Variants in TRAF3IP2 observed in about 807,000 individuals in gnomAD.
The protein encoded by TRAF3IP2 is TRAF3 interacting protein 2.
In TRAF3IP2, 35 loss-of-function variants were observed where a neutral mutation model predicts 57.9. The observed-to-expected ratio is 0.60, with a 90% CI of 0.46 to 0.80. The LOEUF (loss-of-function observed/expected upper bound fraction) is 0.80, where lower values mean the gene tolerates loss of function less well. TRAF3IP2 is among the 30% of genes least tolerant of loss of function. The pLI is 0.00. For synonymous variants in TRAF3IP2, 251 were observed against 268.9 expected (o/e 0.93, Z 0.65); for missense variants, 556 against 706.4 (o/e 0.79, Z 2.41).
At chr6:111,569,395 C>T (rs551332269) in intron 5 of TRAF3IP2, among the ~76,000 whole-genome samples, 1 of 152,204 alleles carries the variant, frequency 6.6e-6, no homozygotes, top group Non-Finnish European at 1.5e-5. Context: ...GTTGTGAGAA[C>T]TAAAATGAGT....
At chr6:111,563,574 G>A (rs905743229) in intron 7 of TRAF3IP2, among the ~76,000 whole-genome samples, 8 of 152,202 alleles carry the variant, frequency 5.3e-5, no homozygotes, top group African/African-American at 1.9e-4. Flanking sequence ...TAGAAGCCCA[G>A]AATGGGGGCC....
At chr6:111,580,793 A>C (rs534918962) in intron 2 of TRAF3IP2, among the ~76,000 whole-genome samples, 7 of 152,338 alleles carry the variant, frequency 4.6e-5, no homozygotes, top group South Asian at 4.1e-4. Flanking sequence ...TGTATGATAG[A>C]TATAGAATCA....
intron 8 of TRAF3IP2, among the ~76,000 whole-genome samples, chr6:111,559,938 T>C (rs894563682): frequency 1.3e-5 from 2 of 152,184 alleles, no homozygotes; most frequent in South Asian, 2.1e-4. Context: ...AATTCATTAC[T>C]CTTTCACTCC....
At chr6:111,575,307 G>C (rs1795945364) in intron 4 of TRAF3IP2, among the ~76,000 whole-genome samples, 1 of 152,058 alleles carries the variant, frequency 6.6e-6, no homozygotes. Flanking sequence ...AAGAAGGAGT[G>C]GCCGGGTGCG....
At chr6:111,562,848 A>G (rs1795497245) in intron 8 of TRAF3IP2, 117 bp downstream of exon 8, 1 of 842,548 alleles carries the variant, frequency 1.2e-6, no homozygotes, top group Admixed American at 2.8e-5. Context: ...CCATCTCAAA[A>G]AAAAAAAAAA....
At chr6:111,588,101 T>A (rs1489662964) in intron 2 of TRAF3IP2, among the ~76,000 whole-genome samples, 1 of 152,230 alleles carries the variant, frequency 6.6e-6, no homozygotes, top group Non-Finnish European at 1.5e-5. Context: ...ACACTGGATG[T>A]TGTCCAAAGT....
chr6:111,602,806 GC>G (rs1235613370), intron 1 of TRAF3IP2, among the ~76,000 whole-genome samples: 2 of 152,116 alleles, frequency 1.3e-5, no homozygotes, highest in African/African-American at 4.8e-5. Flanking sequence ...AAACAATGAG[GC>G]AGCGGAGAGC....
Position 111,591,635 on chromosome 6 carries a change from T to G in TRAF3IP2, c.452A>C (p.Asp151Ala). The G allele has an allele frequency of 6.2e-7, 1 of 1,614,208 alleles. No individual in the cohort carries two copies. The highest frequency in any genetic ancestry group is 8.5e-7 in the Non-Finnish European group (1 of 1,180,044). The change falls in exon 2 of 9, where the codon GAC becomes GCC. Residue 151 changes from aspartate (D) to alanine (A), a missense_variant. Physicochemically the swap from Asp to Ala is moderately radical, Grantham distance 126. Transcript: ENST00000368761. The surrounding 1 kb of genome is among the most constrained non-coding windows in gnomAD (Gnocchi z 4.9). ...LVSQLSAASP[D>A]TGHDSDKSDQ... is the part of the protein sequence containing the mutation. Reference sequence around the variant, plus strand: ...TGATTTGTCTGAGTCATGGCCAGTGTCAGGAGAAGCCGCTGAAAGCTGAGA... The same window carrying G: ...TGATTTGTCTGAGTCATGGCCAGTGGCAGGAGAAGCCGCTGAAAGCTGAGA...
At position 111,599,320 on chromosome 6, in the gene TRAF3IP2, G is replaced by C. The variant is rs545678944; in HGVS notation, c.-9+6456C>G. ...TCAAATATGTCAGTTTCTCTCTCCA[G>C]GTCCCTTGCTTTGTCTTCCTTTTTG... is the stretch of plus-strand genomic sequence containing the variant. On this transcript the variant is annotated intron_variant, in intron 1 of 8. Transcript: ENST00000368761. Among the ~76,000 whole-genome samples, 7 of 152,170 alleles carry C rather than the reference G, an allele frequency of 4.6e-5. No homozygotes were observed. The South Asian group carries it at 1.5e-3, about 32-fold the overall frequency.
chr6:111,571,887 C>T (rs9384798), intron 5 of TRAF3IP2, among the ~76,000 whole-genome samples: 38,578 of 150,716 alleles, frequency 0.26, 5,418 homozygotes, highest in East Asian at 0.43. Flanking sequence ...TGCACACCAG[C>T]CCAGGCAACA....
intron 2 of TRAF3IP2, among the ~76,000 whole-genome samples, chr6:111,583,535 G>A (rs561788460): frequency 3.3e-5 from 5 of 152,290 alleles, no homozygotes; most frequent in South Asian, 2.1e-4. Flanking sequence ...CTGCGCACAT[G>A]AGGGATCTAG....
intron 3 of TRAF3IP2, 144 bp from the exon 4 acceptor site, chr6:111,575,965 G>A: frequency 1.2e-6 from 1 of 801,992 alleles, no homozygotes; most frequent in Non-Finnish European, 1.9e-6. Flanking sequence ...GAAGGAAGAG[G>A]GGAGCTCCAT....
chr6:111,572,615 C>A, intron 5 of TRAF3IP2: 1 of 313,370 alleles, frequency 3.2e-6, no homozygotes, highest in African/African-American at 2.1e-5. Flanking sequence ...TTCCTTCAGG[C>A]CAGGGGCCGC....
At chr6:111,602,325 G>C (rs1374098449) in intron 1 of TRAF3IP2, 2 of 147,746 alleles carry the variant, frequency 1.4e-5, no homozygotes, top group Admixed American at 6.7e-5. Flanking sequence ...TTTTTCTGTC[G>C]TTGTCATTGT....
intron 6 of TRAF3IP2, 61 bp downstream of exon 6, chr6:111,567,563 C>A: frequency 6.5e-7 from 1 of 1,537,150 alleles, no homozygotes; most frequent in South Asian, 1.2e-5. Context: ...AATAAAACAA[C>A]TTCATAAGCT....
chr6:111,567,748 A>G (rs1795699959), intron 5 of TRAF3IP2, 56 bp from the exon 6 acceptor site: 1 of 1,444,398 alleles, frequency 6.9e-7, no homozygotes, highest in Non-Finnish European at 9.5e-7. Flanking sequence ...CTCAAGATGC[A>G]GAGCAGAAGA....
chr6:111,582,694 C>T (rs184107565), intron 2 of TRAF3IP2, among the ~76,000 whole-genome samples: 1 of 152,136 alleles, frequency 6.6e-6, no homozygotes, highest in Non-Finnish European at 1.5e-5. Context: ...AGGGGCCAGC[C>T]CTGCTTTTCA....
At chr6:111,577,821 C>T (rs972953277) in intron 3 of TRAF3IP2, among the ~76,000 whole-genome samples, 2 of 152,172 alleles carry the variant, frequency 1.3e-5, no homozygotes, top group African/African-American at 4.8e-5. Flanking sequence ...AGGCAGTTCT[C>T]CTGCCTCAGC....
intron 2 of TRAF3IP2, among the ~76,000 whole-genome samples, chr6:111,590,265 C>T (rs777908131): frequency 3.9e-5 from 6 of 152,162 alleles, no homozygotes; most frequent in Non-Finnish European, 8.8e-5. Context: ...TTTGCATTTG[C>T]AGATGCATAA....
Sources: allele counts gnomAD v4.1 joint callset (sites outside exome capture counted in the v4.1 genomes callset), GRCh38; gene constraint gnomAD v4.1.1; non-coding constraint Gnocchi (gnomAD v3.1); transcripts MANE v1.5; gene names NCBI Gene and HGNC (gene_info 2026-07-23, HGNC 2026-07-21).